Variants in LRRC37A2 observed in about 807,000 individuals in gnomAD.
LRRC37A2 encodes the protein leucine-rich repeat-containing protein 37A2.
Under a neutral mutation model 68.8 loss-of-function variants are expected in LRRC37A2, and 9 were observed. That is an observed-to-expected ratio of 0.13 (90% CI 0.08 to 0.23). The LOEUF (loss-of-function observed/expected upper bound fraction) is 0.23. Ranked by LOEUF, LRRC37A2 falls within the 10% of genes least tolerant of loss-of-function variation. The probability of loss-of-function intolerance (pLI) is 1.00; values close to 1 mark genes in which losing one functional copy is unlikely to be tolerated. For missense variants in LRRC37A2, 168 were observed against 950.4 expected, an observed-to-expected ratio of 0.18 and a Z score of 10.82; for synonymous variants, 63 against 367.6, an observed-to-expected ratio of 0.17 and a Z score of 9.48.
the LRRC37A2 span, among the ~76,000 whole-genome samples, chr17:47,006,261 G>A: frequency 6.6e-6 from 1 of 152,076 alleles, no homozygotes; most frequent in Non-Finnish European, 1.5e-5. Flanking sequence ...CTGGCAAGAG[G>A]AGCCCCTGAC....
chr17:46,940,981 C>T, the LRRC37A2 span: 1 of 1,192,268 alleles, frequency 8.4e-7, no homozygotes, highest in Non-Finnish European at 1.1e-6. Context: ...GGGAAGGGTC[C>T]AGGCCAGGGA....
chr17:46,530,329 C>G (rs1022372935), intron 6 of LRRC37A2, among the ~76,000 whole-genome samples: 1 of 135,370 alleles, frequency 7.4e-6, no homozygotes, highest in African/African-American at 2.7e-5. Flanking sequence ...ATTTAAAGCC[C>G]TAGTTTGAGA....
chr17:46,904,909 G>A, the LRRC37A2 span, among the ~76,000 whole-genome samples: 3 of 152,008 alleles, frequency 2.0e-5, no homozygotes, highest in Admixed American at 6.6e-5. Flanking sequence ...TCTCTTTGGG[G>A]CCCCTCCCGG....
At chr17:46,874,196 T>C in the LRRC37A2 span, among the ~76,000 whole-genome samples, 1 of 151,600 alleles carries the variant, frequency 6.6e-6, no homozygotes, top group Non-Finnish European at 1.5e-5. Flanking sequence ...CAGAGAGGAG[T>C]GTCGGTGGTT....
chr17:46,693,447 C>T, the LRRC37A2 span, among the ~76,000 whole-genome samples: 2 of 151,640 alleles, frequency 1.3e-5, no homozygotes, highest in African/African-American at 2.4e-5. Context: ...TCAGATCCTA[C>T]ATCACTATTA....
the LRRC37A2 span, chr17:46,876,203 G>T: frequency 6.5e-7 from 1 of 1,537,630 alleles, no homozygotes; most frequent in Admixed American, 1.9e-5. Flanking sequence ...TGGCTGCTGG[G>T]CCCAGGCCTC....
At chr17:46,988,425 T>C in the LRRC37A2 span, among the ~76,000 whole-genome samples, 5 of 152,206 alleles carry the variant, frequency 3.3e-5, no homozygotes, top group African/African-American at 4.8e-5. Flanking sequence ...AATGCACAAA[T>C]TGCCAAAATT....
the LRRC37A2 span, among the ~76,000 whole-genome samples, chr17:46,976,899 A>G: frequency 1.3e-5 from 2 of 152,210 alleles, no homozygotes; most frequent in Non-Finnish European, 2.9e-5. Context: ...TGCAAGTCAC[A>G]CCAAACCATC....
chr17:46,874,439 G>A, the LRRC37A2 span, among the ~76,000 whole-genome samples: 1 of 152,222 alleles, frequency 6.6e-6, no homozygotes, highest in African/African-American at 2.4e-5. Context: ...CCTACGCCAG[G>A]TGTCTGAGTA....
At chr17:46,995,867 C>G in the LRRC37A2 span, among the ~76,000 whole-genome samples, 1 of 152,210 alleles carries the variant, frequency 6.6e-6, no homozygotes, top group East Asian at 1.9e-4. Flanking sequence ...CCTTGGTCAC[C>G]TGCCCAGTGT....
the LRRC37A2 span, chr17:47,019,284 G>A: frequency 7.0e-3 from 11,127 of 1,599,026 alleles, 53 homozygotes; most frequent in Middle Eastern, 0.015. Context: ...ACACCCTGAG[G>A]TGACACTTCC....
At chr17:46,851,277 C>T in the LRRC37A2 span, among the ~76,000 whole-genome samples, 1 of 151,890 alleles carries the variant, frequency 6.6e-6, no homozygotes, top group Non-Finnish European at 1.5e-5. The surrounding 1 kb of genome is among the most constrained non-coding windows in gnomAD (Gnocchi z 4.3). Flanking sequence ...TCTCCTCCGT[C>T]CCCGCCTCGT....
At chr17:46,767,779 TTTTG>T in the LRRC37A2 span, among the ~76,000 whole-genome samples, 103 of 152,158 alleles carry the variant, frequency 6.8e-4, no homozygotes, top group Middle Eastern at 3.4e-3. Flanking sequence ...TTTTGTTTTT[TTTTG>T]TTTGTTTGTT....
At chr17:46,688,177 TATGAAGGA>T in the LRRC37A2 span, among the ~76,000 whole-genome samples, 1 of 146,034 alleles carries the variant, frequency 6.8e-6, no homozygotes, top group Non-Finnish European at 1.5e-5. Flanking sequence ...TAGGAATCTT[TATGAAGGA>T]ATGAAGGAAT....
At chr17:46,779,460 CT>C in the LRRC37A2 span, among the ~76,000 whole-genome samples, 1 of 152,122 alleles carries the variant, frequency 6.6e-6, no homozygotes, top group Non-Finnish European at 1.5e-5. Flanking sequence ...CCCTGCCACC[CT>C]CCTCCTGAAG....
chr17:46,869,956 A>G, the LRRC37A2 span, among the ~76,000 whole-genome samples: 2,215 of 152,166 alleles, frequency 0.015, 61 homozygotes, highest in African/African-American at 0.05. Context: ...CTGAGATCAC[A>G]CCACTGCACT....
chr17:46,657,196 A>G, the LRRC37A2 span, among the ~76,000 whole-genome samples: 21 of 103,468 alleles, frequency 2.0e-4, no homozygotes, highest in Non-Finnish European at 4.2e-4. Context: ...TTTCTTTAAG[A>G]TAAATTCCTG....
chr17:46,736,852 G>A, the LRRC37A2 span, among the ~76,000 whole-genome samples: 1 of 152,176 alleles, frequency 6.6e-6, no homozygotes, highest in African/African-American at 2.4e-5. Flanking sequence ...GTGTGCAAGT[G>A]CCTCCTAACT....
the LRRC37A2 span, chr17:46,930,266 A>G: frequency 0.63 from 95,766 of 151,794 alleles, 30,459 homozygotes; most frequent in Middle Eastern, 0.68. Context: ...CACTGTGGGC[A>G]CAAAGGGCTA....
Sources: gnomAD v4.1 joint callset for allele counts (sites outside exome capture counted in the v4.1 genomes callset) on GRCh38, gnomAD v4.1.1 for gene constraint, Gnocchi (gnomAD v3.1) non-coding constraint, MANE v1.5 for transcripts, NCBI Gene and HGNC (gene_info 2026-07-23, HGNC 2026-07-21) for gene names.